The following USP7 variants were observed in gnomAD, a reference collection of about 807,000 sequenced individuals.
USP7 encodes the protein ubiquitin C-terminal hydrolase 7.
In USP7, 9 loss-of-function variants were observed where a neutral mutation model predicts 162.9. The observed-to-expected ratio is 0.06, with a 90% CI of 0.03 to 0.10. The LOEUF is 0.10. USP7 is among the 10% of genes least tolerant of loss of function. The probability of loss-of-function intolerance (pLI) is 1.00; values close to 1 mark genes in which losing one functional copy is unlikely to be tolerated. For synonymous variants in USP7, 562 were observed against 475.9 expected (o/e 1.18, Z -2.35); for missense variants, 715 against 1,373.7 (o/e 0.52, Z 7.58).
At chr16:8,939,124 T>C (rs556668920) in intron 1 of USP7, among the ~76,000 whole-genome samples, 6 of 152,332 alleles carry the variant, frequency 3.9e-5, no homozygotes, top group African/African-American at 1.4e-4. Flanking sequence ...CACATTTACA[T>C]GTACTTACGT....
intron 1 of USP7, among the ~76,000 whole-genome samples, chr16:8,948,253 G>C (rs1470476379): frequency 6.6e-6 from 1 of 152,208 alleles, no homozygotes; most frequent in African/African-American, 2.4e-5. Context: ...CACCATCTCA[G>C]CTCACTGCAG....
chr16:8,928,455 T>C (rs894329563), intron 2 of USP7, among the ~76,000 whole-genome samples: 9 of 152,198 alleles, frequency 5.9e-5, no homozygotes, highest in Non-Finnish European at 1.0e-4. Flanking sequence ...CGACAGTAAA[T>C]AAAGCTTGTT....
In USP7 at chr16:8,904,399, A is replaced by G. The variant is rs909825182; in HGVS notation, c.1704+36T>C. On this transcript the variant is annotated intron_variant, in intron 15 of 30. Transcript: ENST00000344836. ...TGTATAGAGATGGGTGCCCGGCTGC[A>G]TGGTGACCCGGAGTCCCAGAAGGGC... 3 of 1,609,956 alleles carry G rather than the reference A, an allele frequency of 1.9e-6. No homozygotes were observed. In the African/African-American group the frequency reaches 4.0e-5, roughly 22 times the overall value.
chr16:8,901,304 A>T lies in USP7; in HGVS notation c.2048-70T>A, dbSNP rs1435446800. 4.8e-6 allele frequency: 5 copies of T among 1,048,738 alleles called. No individual in the cohort carries two copies. In the Admixed American group the frequency reaches 1.1e-4, roughly 22 times the overall value. The allele number at this position is 1,048,738 out of a possible 1,614,324, so 65.0% of individuals were successfully genotyped here. On this transcript the variant is annotated intron_variant, in intron 18 of 30. Transcript: ENST00000344836. ...CACAATGCTTAAAAAACAAAAAAAC[A>T]AACAAACAAAAAAACGAAAAAAAAA...
At chr16:8,903,502 T>C (rs1188940800) in intron 15 of USP7, 100 bp from the exon 16 acceptor site, 2 of 1,372,080 alleles carry the variant, frequency 1.5e-6, no homozygotes, top group Non-Finnish European at 1.9e-6. Context: ...AACTCATTTT[T>C]TGTTCCAAAG....
At chr16:8,924,637 AC>A (rs1218945161) in intron 2 of USP7, among the ~76,000 whole-genome samples, 2 of 152,136 alleles carry the variant, frequency 1.3e-5, no homozygotes, top group African/African-American at 4.8e-5. Context: ...TCATCCAACA[AC>A]CCTTCAGACT....
intron 1 of USP7, among the ~76,000 whole-genome samples, chr16:8,955,655 G>A (rs1228320320): frequency 1.5e-5 from 2 of 131,972 alleles, no homozygotes; most frequent in Non-Finnish European, 3.1e-5. Flanking sequence ...GCAGTGAGCC[G>A]AGATCACACC....
Position 8,901,033 on chromosome 16 carries a change from T to C in USP7, c.2165A>G (p.Asp722Gly), listed in dbSNP as rs2061765896. The C allele has an allele frequency of 6.2e-7, 1 of 1,614,004 alleles. No homozygotes were observed. Among genetic ancestry groups the C allele is most frequent in the Admixed American group, 1.7e-5 (1 of 60,004 alleles). Residue 722 changes from aspartate (D) to glycine (G), a missense_variant, in exon 20 of 31, where the codon GAC becomes GGC. This residue lies in a region of USP7 where 197 missense variants were observed against 306.5 expected (regional missense o/e 0.64). Transcript: ENST00000344836. Reference protein sequence around the residue: ...KIRDLLPVMCDRAGFIQDTSL... With the variant: ...KIRDLLPVMCGRAGFIQDTSL... ...AGTATCTTGAATAAATCCTGCTCTG[T>C]CACACATAACTGGGAGCAAGTCACC...
chr16:8,931,204 T>TC (rs1555468064), intron 1 of USP7, among the ~76,000 whole-genome samples: 21 of 151,800 alleles, frequency 1.4e-4, no homozygotes, highest in African/African-American at 3.6e-4. Flanking sequence ...TTTTTTTTTT[T>TC]CTGAGACAGA....
chr16:8,955,320 C>A (rs9930206), intron 1 of USP7, among the ~76,000 whole-genome samples: 2,070 of 152,332 alleles, frequency 0.014, 57 homozygotes, highest in African/African-American at 0.048. Context: ...TCTTGGCTCA[C>A]TGTGGCCTCG....
chr16:8,914,187 A>G (rs1442998123), intron 10 of USP7, among the ~76,000 whole-genome samples: 3 of 152,128 alleles, frequency 2.0e-5, no homozygotes, highest in Non-Finnish European at 2.9e-5. Flanking sequence ...TGAAAAGGTA[A>G]GAACAACCTC....
chr16:8,896,920 C>G, intron 26 of USP7, 79 bp downstream of exon 26: 1 of 1,102,336 alleles, frequency 9.1e-7, no homozygotes, highest in East Asian at 2.4e-5. Flanking sequence ...TGGGTGATTT[C>G]CACCAACGCA....
chr16:8,902,939 T>C (rs1008246025), intron 16 of USP7, among the ~76,000 whole-genome samples: 2 of 152,172 alleles, frequency 1.3e-5, no homozygotes, highest in Non-Finnish European at 2.9e-5. Context: ...CCCGGTTGAT[T>C]TGGACAACTG....
chr16:8,894,609 T>C lies in USP7; in HGVS notation c.3143A>G (p.His1048Arg). The change falls in exon 30 of 31, where the codon CAC (histidine) becomes CGC (arginine). Residue 1048 changes from histidine (H) to arginine (R), a missense_variant. Physicochemically the swap from His to Arg is conservative, Grantham distance 29 (BLOSUM62 0). This residue lies in a region of USP7 where 222 missense variants were observed against 441.7 expected (regional missense o/e 0.50). Transcript: ENST00000344836. ...ATACTCGTCTTCATTTATGTACTGG[T>C]GTCGGCCCATCATTACAATTGCAAA... ...FKFAIVMMGR[H>R]QYINEDEYEV... 6.2e-7 allele frequency: 1 copy of C among 1,613,920 alleles called. No individual in the cohort carries two copies. The highest frequency in any genetic ancestry group is 2.2e-5 in the East Asian group (1 of 44,874).
chr16:8,899,899 G>T, intron 21 of USP7, 142 bp from the exon 22 acceptor site: 1 of 995,534 alleles, frequency 1.0e-6, no homozygotes, highest in Non-Finnish European at 1.5e-6. Context: ...GAGGGGGCCA[G>T]GCATCTGCCT....
At chr16:8,961,517 C>T (rs1418810474) in intron 1 of USP7, among the ~76,000 whole-genome samples, 4 of 62,132 alleles carry the variant, frequency 6.4e-5, no homozygotes, top group Non-Finnish European at 1.0e-4. Flanking sequence ...GGGGGGGGGG[C>T]AAATACCTTG....
intron 1 of USP7, among the ~76,000 whole-genome samples, chr16:8,949,084 GA>G (rs1899431735): frequency 6.6e-6 from 1 of 152,214 alleles, no homozygotes; most frequent in Non-Finnish European, 1.5e-5. Context: ...TGCTCGAATT[GA>G]ATGCTGATAG....
intron 1 of USP7, among the ~76,000 whole-genome samples, chr16:8,935,430 C>T (rs536023137): frequency 6.6e-6 from 1 of 152,094 alleles, no homozygotes; most frequent in African/African-American, 2.4e-5. Flanking sequence ...AGGCTGGTCT[C>T]GAACTCCTGA....
Position 8,894,870 on chromosome 16 carries a change from G to A in USP7, c.3040-15C>T, listed in dbSNP as rs771127611. On this transcript the variant is annotated splice_polypyrimidine_tract_variant and intron_variant, in intron 28 of 30. Coordinates refer to ENST00000344836, the MANE Select transcript of USP7 (RefSeq NM_003470.3). Reference sequence around the variant, plus strand: ...AAATGCTCGCCCTAGAATGGCAAAGGACATGTGCTCACACAGTCACTCCCA... The same window carrying A: ...AAATGCTCGCCCTAGAATGGCAAAGAACATGTGCTCACACAGTCACTCCCA... The A allele has an allele frequency of 6.2e-7, 1 of 1,614,154 alleles. No individual in the cohort carries two copies. Among genetic ancestry groups the A allele is most frequent in the Non-Finnish European group, 8.5e-7 (1 of 1,180,038 alleles).
Sources: allele counts gnomAD v4.1 joint callset (sites outside exome capture counted in the v4.1 genomes callset), GRCh38; gene constraint gnomAD v4.1.1; regional missense constraint gnomAD v4.1.1; transcripts MANE v1.5; gene names NCBI Gene and HGNC (gene_info 2026-07-23, HGNC 2026-07-21).